Variants in PIP5K1B observed in about 807,000 individuals in gnomAD.
PIP5K1B encodes phosphatidylinositol-4-phosphate 5-kinase type 1 beta.
Under a neutral mutation model 67.0 loss-of-function variants are expected in PIP5K1B, and 42 were observed. The observed-to-expected ratio is 0.63, with a 90% confidence interval of 0.49 to 0.81. The LOEUF is 0.81. Among genes scored for constraint, PIP5K1B ranks in the 30% least tolerant of loss-of-function variants. The pLI is 0.00. For synonymous variants in PIP5K1B, 214 were observed against 231.4 expected (o/e 0.92, Z 0.68); for missense variants, 459 against 646.3 (o/e 0.71, Z 3.14).
intron 2 of PIP5K1B, among the ~76,000 whole-genome samples, chr9:68,815,950 G>A (rs1165055737): frequency 6.6e-6 from 1 of 152,024 alleles, no homozygotes; most frequent in African/African-American, 2.4e-5. Flanking sequence ...AAAAAAGATT[G>A]TAGTGAAAGA....
intron 8 of PIP5K1B, among the ~76,000 whole-genome samples, chr9:68,911,792 A>G (rs576809651): frequency 6.6e-6 from 1 of 152,282 alleles, no homozygotes; most frequent in African/African-American, 2.4e-5. Flanking sequence ...CTGAGATGAG[A>G]GGATCACTTG....
chr9:68,761,379 C>T (rs1283773115), intron 2 of PIP5K1B, among the ~76,000 whole-genome samples: 1 of 152,098 alleles, frequency 6.6e-6, no homozygotes, highest in Admixed American at 6.6e-5. Flanking sequence ...GAAATACTCA[C>T]ATGCTTTAGA....
intron 2 of PIP5K1B, among the ~76,000 whole-genome samples, chr9:68,799,825 G>T (rs1832502478): frequency 6.6e-6 from 1 of 152,148 alleles, no homozygotes; most frequent in Non-Finnish European, 1.5e-5. Context: ...ATTGGTTTTG[G>T]CAGCAATTTC....
intron 2 of PIP5K1B, among the ~76,000 whole-genome samples, chr9:68,813,844 C>T (rs763613451): frequency 1.3e-5 from 2 of 152,172 alleles, no homozygotes; most frequent in Non-Finnish European, 2.9e-5. Flanking sequence ...AGAATTCAAT[C>T]GAGTCTCAGA....
intron 1 of PIP5K1B, among the ~76,000 whole-genome samples, chr9:68,722,467 G>C (rs1028143840): frequency 6.6e-6 from 1 of 151,790 alleles, no homozygotes; most frequent in African/African-American, 2.4e-5. Context: ...CGCCCGCCTC[G>C]GCCTCCCAGA....
At chr9:68,757,464 C>T (rs1163880907) in intron 2 of PIP5K1B, among the ~76,000 whole-genome samples, 1 of 151,866 alleles carries the variant, frequency 6.6e-6, no homozygotes, top group Admixed American at 6.6e-5. Context: ...AACTAGGGGG[C>T]TTCATTATGT....
chr9:68,869,375 C>T (rs1360052653), intron 5 of PIP5K1B, among the ~76,000 whole-genome samples: 1 of 152,182 alleles, frequency 6.6e-6, no homozygotes, highest in African/African-American at 2.4e-5. Context: ...TGAGATGGAA[C>T]AGTTTCATCC....
intron 2 of PIP5K1B, among the ~76,000 whole-genome samples, chr9:68,756,654 C>A (rs1829941248): frequency 6.6e-6 from 1 of 152,104 alleles, no homozygotes; most frequent in African/African-American, 2.4e-5. Flanking sequence ...TCTATCATTT[C>A]TTCTTTGCAC....
At position 68,733,627 on chromosome 9, in the gene PIP5K1B, CTTTTTTTTTTTT is replaced by C. The variant is rs35759487; in HGVS notation, c.-242-8855_-242-8844del. ...CCCCACTTATTGAAATACTTAGACT[CTTTTTTTTTTTT>C]TTTTTTTTTTTTTTTTTTGAGATGG... On this transcript the variant is annotated intron_variant, in intron 1 of 15. Coordinates refer to ENST00000265382, the MANE Select transcript of PIP5K1B (RefSeq NM_003558.4). Among the ~76,000 whole-genome samples, 7 of 56,522 alleles carry C rather than the reference CTTTTTTTTTTTT, an allele frequency of 1.2e-4. 1 individual carries two copies. The highest frequency in any genetic ancestry group is 1.0e-3 in the Admixed American group (4 of 3,884). The allele number at this position is 56,522 out of a possible 152,430, so 37.1% of individuals were successfully genotyped here.
intron 14 of PIP5K1B, among the ~76,000 whole-genome samples, chr9:68,962,077 C>G (rs1828781216): frequency 6.6e-6 from 1 of 152,066 alleles, no homozygotes; most frequent in Admixed American, 6.5e-5. Flanking sequence ...AGAAAAGAAG[C>G]AAAGTGGGAA....
chr9:68,861,446 A>G (rs1320922255), intron 4 of PIP5K1B, among the ~76,000 whole-genome samples: 4 of 152,182 alleles, frequency 2.6e-5, no homozygotes, highest in Non-Finnish European at 4.4e-5. Flanking sequence ...CACAGCTTTG[A>G]CTACCTTCTG....
At chr9:68,724,919 TAC>T (rs1300764217) in intron 1 of PIP5K1B, among the ~76,000 whole-genome samples, 5 of 152,212 alleles carry the variant, frequency 3.3e-5, no homozygotes, top group Non-Finnish European at 7.3e-5. Flanking sequence ...TCAAATTTTG[TAC>T]AGGTTTATAT....
intron 4 of PIP5K1B, among the ~76,000 whole-genome samples, chr9:68,842,179 C>T (rs571018849): frequency 1.7e-4 from 26 of 152,256 alleles, no homozygotes; most frequent in African/African-American, 5.3e-4. Flanking sequence ...CTTGAGAACC[C>T]GGCTTTCATC....
chr9:69,004,997 A>G (rs956391209), intron 15 of PIP5K1B, among the ~76,000 whole-genome samples: 1 of 152,226 alleles, frequency 6.6e-6, no homozygotes, highest in South Asian at 2.1e-4. Flanking sequence ...TCATCCAAGA[A>G]TTACATTACA....
At chr9:68,824,535 A>G (rs1171209245) in intron 4 of PIP5K1B, among the ~76,000 whole-genome samples, 6 of 152,198 alleles carry the variant, frequency 3.9e-5, no homozygotes, top group African/African-American at 1.2e-4. Flanking sequence ...ATTTTTTTTA[A>G]TGAACAATTT....
chr9:68,745,002 T>TC (rs765604930), intron 2 of PIP5K1B, among the ~76,000 whole-genome samples: 11 of 152,186 alleles, frequency 7.2e-5, no homozygotes, highest in Non-Finnish European at 1.2e-4. Context: ...CACTCACACT[T>TC]CCTTTGTTCC....
At chr9:68,823,227 G>C (rs1324319137) in intron 4 of PIP5K1B, among the ~76,000 whole-genome samples, 1 of 152,108 alleles carries the variant, frequency 6.6e-6, no homozygotes, top group Non-Finnish European at 1.5e-5. Flanking sequence ...GCCTTAGAAG[G>C]TGACATATTC....
chr9:68,793,187 G>A (rs1832095463), intron 2 of PIP5K1B, among the ~76,000 whole-genome samples: 1 of 150,850 alleles, frequency 6.6e-6, no homozygotes, highest in Admixed American at 6.6e-5. Flanking sequence ...ATAGTTAGAG[G>A]GGGGTTAGAG....
At chr9:68,998,067 C>CTTTTTTTTTTTTTTTTTTTTTTT (rs1830670572) in intron 15 of PIP5K1B, among the ~76,000 whole-genome samples, 1 of 135,590 alleles carries the variant, frequency 7.4e-6, no homozygotes, top group African/African-American at 2.9e-5. Flanking sequence ...TTTCTTTTTT[C>CTTTTTTTTTTTTTTTTTTTTTTT]TTTTCTTTTT....
Sources: gnomAD v4.1 joint callset for allele counts (sites outside exome capture counted in the v4.1 genomes callset) on GRCh38, gnomAD v4.1.1 for gene constraint, MANE v1.5 for transcripts, NCBI Gene and HGNC (gene_info 2026-07-23, HGNC 2026-07-21) for gene names.